NR3C1: variants seen among roughly 807,000 people sequenced by gnomAD.
NR3C1 encodes the protein nuclear receptor subfamily 3 group C member 1.
Under a neutral mutation model 74.0 loss-of-function variants are expected in NR3C1, and 14 were observed. The ratio of observed to expected loss-of-function variants is 0.19; its 90% CI spans 0.12 to 0.30. NR3C1 has a LOEUF of 0.30. Ranked by LOEUF, NR3C1 falls within the 10% of genes least tolerant of loss-of-function variation. NR3C1 has a pLI of 1.00. For synonymous variants in NR3C1, 308 were observed against 332.5 expected (o/e 0.93, Z 0.80); for missense variants, 695 against 909.8 (o/e 0.76, Z 3.04).
exon 1 of NR3C1, chr5:143,435,204 C>T (rs1308520700): frequency 3.0e-6 from 3 of 985,258 alleles, no homozygotes; most frequent in Non-Finnish European, 3.6e-6. Context: ...CTTCTCTTAC[C>T]CTCTTTCTGT....
At chr5:143,393,322 G>A (rs993223258) in intron 2 of NR3C1, among the ~76,000 whole-genome samples, 6 of 152,006 alleles carry the variant, frequency 3.9e-5, no homozygotes, top group East Asian at 1.9e-4. Flanking sequence ...TCAAATTGAC[G>A]GGTTAAAAGG....
intron 2 of NR3C1, among the ~76,000 whole-genome samples, chr5:143,319,347 T>A (rs563608243): frequency 2.0e-5 from 3 of 152,288 alleles, no homozygotes; most frequent in African/African-American, 7.2e-5. Context: ...GGCTTAGTCT[T>A]CAATTTAAGT....
chr5:143,368,761 T>C (rs1407194047), intron 2 of NR3C1, among the ~76,000 whole-genome samples: 2 of 152,124 alleles, frequency 1.3e-5, no homozygotes, highest in Non-Finnish European at 2.9e-5. Context: ...TTAGTCTGTG[T>C]TCTGTTGGTA....
At position 143,399,938 on chromosome 5, in the gene NR3C1, T is replaced by A. The variant is rs1839944151; in HGVS notation, c.902A>T (p.Tyr301Phe). The A allele has an allele frequency of 6.2e-7, 1 of 1,614,088 alleles. No homozygotes were observed. The highest frequency in any genetic ancestry group is 1.7e-5 in the Admixed American group (1 of 60,012). The change falls in exon 2 of 9, where the codon TAC (tyrosine) becomes TTC (phenylalanine). Residue 301 changes from tyrosine (Y) to phenylalanine (F), a missense_variant. This residue lies in a region of NR3C1 where 497 missense variants were observed against 489.5 expected (regional missense o/e 1.02). Transcript: ENST00000394464. ...TGCTCCAGGAAAGCTTGCCTGACAG[T>A]AAACTGTGCCCAGTTTCTCTTGCTT... ...VIKQEKLGTVYCQASFPGANI... is the reference protein window; with the variant it reads ...VIKQEKLGTVFCQASFPGANI...
chr5:143,305,447 A>T (rs2151579485), intron 4 of NR3C1, among the ~76,000 whole-genome samples: 1 of 152,334 alleles, frequency 6.6e-6, no homozygotes, highest in Admixed American at 6.5e-5. Context: ...ATGTACCCAT[A>T]TGTTCACTGC....
chr5:143,326,442 T>C (rs1323440095), intron 2 of NR3C1, among the ~76,000 whole-genome samples: 1 of 152,222 alleles, frequency 6.6e-6, no homozygotes, highest in African/African-American at 2.4e-5. Context: ...ACTTACTATA[T>C]TAAGTCTTAA....
intron 3 of NR3C1, among the ~76,000 whole-genome samples, chr5:143,311,448 A>AGC (rs1449711715): frequency 1.3e-5 from 2 of 152,190 alleles, no homozygotes; most frequent in African/African-American, 4.8e-5. Context: ...TAAGACTCTG[A>AGC]GCTATAGGAT....
intron 1 of NR3C1, among the ~76,000 whole-genome samples, chr5:143,427,807 A>G (rs781448449): frequency 2.0e-4 from 30 of 152,280 alleles, no homozygotes; most frequent in Non-Finnish European, 4.3e-4. Flanking sequence ...TCTACCACTC[A>G]CTAGCATTGT....
chr5:143,400,944 A>ATT, intron 1 of NR3C1, 92 bp from the exon 2 acceptor site: 2 of 938,560 alleles, frequency 2.1e-6, no homozygotes. Context: ...GCAGCTTGTT[A>ATT]AATGAACCTT....
chr5:143,333,256 G>A (rs1437106809), intron 2 of NR3C1: 1 of 1,136,248 alleles, frequency 8.8e-7, no homozygotes, highest in Non-Finnish European at 1.3e-6. Flanking sequence ...GTGAGGCAGG[G>A]CTGAAAACTG....
intron 2 of NR3C1, among the ~76,000 whole-genome samples, chr5:143,350,254 A>G (rs1368921354): frequency 6.6e-6 from 1 of 152,140 alleles, no homozygotes; most frequent in Non-Finnish European, 1.5e-5. Context: ...ATGACAAGGG[A>G]GCCAGTCAAG....
intron 1 of NR3C1, among the ~76,000 whole-genome samples, chr5:143,417,899 T>G (rs1173819728): frequency 6.6e-6 from 1 of 152,208 alleles, no homozygotes; most frequent in Admixed American, 6.5e-5. Flanking sequence ...CATATCACTG[T>G]GGGATTTGAT....
intron 2 of NR3C1, among the ~76,000 whole-genome samples, chr5:143,356,402 C>A (rs1831145857): frequency 6.6e-6 from 1 of 151,682 alleles, no homozygotes; most frequent in African/African-American, 2.4e-5. Context: ...AAAAAATGAA[C>A]CCTGATTATC....
At position 143,280,367 on chromosome 5, in the gene NR3C1, A is replaced by G. The variant is rs1351758257; in HGVS notation, c.*1522T>C. 1 of 152,570 alleles carries G rather than the reference A, an allele frequency of 6.6e-6. No individual in the cohort carries two copies. Among genetic ancestry groups the G allele is most frequent in the Non-Finnish European group, 1.5e-5 (1 of 68,026 alleles). 9.5% of individuals were successfully genotyped at this position (152,570 alleles called of 1,614,324 possible). ...TATCTGAAACTATAACTAAATATAA[A>G]AATATATTAGAAGTTCCATATTTTT... On this transcript the variant is annotated 3_prime_UTR_variant, in exon 9 of 9. Transcript: ENST00000394464.
At chr5:143,342,996 G>T (rs1828538643) in intron 2 of NR3C1, among the ~76,000 whole-genome samples, 1 of 152,176 alleles carries the variant, frequency 6.6e-6, no homozygotes. Context: ...GGAACCCAAA[G>T]ACAACAGAAG....
intron 2 of NR3C1, among the ~76,000 whole-genome samples, chr5:143,394,131 ATGT>A (rs1051417352): frequency 2.6e-5 from 4 of 152,038 alleles, no homozygotes; most frequent in Admixed American, 6.5e-5. Context: ...GACAGGATTA[ATGT>A]TGTTGAAACT....
rs1376605053 is a variant in NR3C1, at chr5:143,308,447, A to T, written c.1468+1650T>A. Among the ~76,000 whole-genome samples, 4 of 152,254 alleles carry T rather than the reference A, an allele frequency of 2.6e-5. No homozygotes were observed. In the East Asian group the frequency reaches 7.7e-4, roughly 29 times the overall value. ...TCACTGCACTCCAGCCTGGGTGACA[A>T]GAGTTAGACTCTGTCTCTAAAATAA... On this transcript the variant is annotated intron_variant, in intron 4 of 8. Coordinates refer to ENST00000394464, the MANE Select transcript of NR3C1 (RefSeq NM_000176.3).
chr5:143,349,962 AG>A, intron 2 of NR3C1, among the ~76,000 whole-genome samples: 1 of 152,258 alleles, frequency 6.6e-6, no homozygotes, highest in Non-Finnish European at 1.5e-5. Flanking sequence ...TGGATTTTGG[AG>A]GAAGAGGAGA....
chr5:143,308,435 G>A (rs986021765), intron 4 of NR3C1, among the ~76,000 whole-genome samples: 18 of 152,160 alleles, frequency 1.2e-4, no homozygotes, highest in Admixed American at 9.2e-4. Context: ...CTGCACTCCA[G>A]CCTGGGTGAC....
Sources: allele counts gnomAD v4.1 joint callset (sites outside exome capture counted in the v4.1 genomes callset), GRCh38; gene constraint gnomAD v4.1.1; regional missense constraint gnomAD v4.1.1; transcripts MANE v1.5; gene names NCBI Gene and HGNC (gene_info 2026-07-23, HGNC 2026-07-21).